PLEKHH2: variants seen among roughly 807,000 people sequenced by gnomAD.
The protein encoded by PLEKHH2 is pleckstrin homology domain-containing family H member 2.
A neutral mutation model predicts 187.9 loss-of-function variants in PLEKHH2; 129 were observed. That is an observed-to-expected ratio of 0.69 (90% CI 0.59 to 0.79). PLEKHH2 has a LOEUF of 0.79. Among genes scored for constraint, PLEKHH2 ranks in the 30% least tolerant of loss-of-function variants. PLEKHH2 has a pLI of 0.00. For missense variants in PLEKHH2, 2,076 were observed against 1,751.2 expected, an observed-to-expected ratio of 1.19 and a Z score of -3.31; for synonymous variants, 686 against 605.6, an observed-to-expected ratio of 1.13 and a Z score of -1.95.
At chr2:43,758,174 T>G (rs972266123) in intron 26 of PLEKHH2, among the ~76,000 whole-genome samples, 2 of 152,232 alleles carry the variant, frequency 1.3e-5, no homozygotes, top group Non-Finnish European at 2.9e-5. Flanking sequence ...AGTTTCACCT[T>G]GCATCTAACA....
At chr2:43,681,912 T>A (rs719424) in intron 3 of PLEKHH2, among the ~76,000 whole-genome samples, 70,802 of 152,076 alleles carry the variant, frequency 0.47, 16,991 homozygotes, top group Non-Finnish European at 0.5. Flanking sequence ...TTGATTTTTT[T>A]AATTATGCTT....
chr2:43,684,320 T>C (rs1668387227), intron 3 of PLEKHH2, among the ~76,000 whole-genome samples: 2 of 152,174 alleles, frequency 1.3e-5, no homozygotes, highest in Middle Eastern at 3.4e-3. Flanking sequence ...TATGTCTCTA[T>C]ATGTAATCTA....
intron 2 of PLEKHH2, chr2:43,675,767 C>T: frequency 6.2e-7 from 1 of 1,613,672 alleles, no homozygotes; most frequent in Non-Finnish European, 8.5e-7. Flanking sequence ...CTGCTTAAGA[C>T]AATCCCTCCT....
intron 2 of PLEKHH2, among the ~76,000 whole-genome samples, chr2:43,677,353 C>T (rs975968308): frequency 1.3e-5 from 2 of 152,154 alleles, no homozygotes; most frequent in Admixed American, 6.5e-5. Flanking sequence ...CGGCCCTCTG[C>T]AGTGTTTGTG....
chr2:43,735,688 C>T (rs1162616124), intron 19 of PLEKHH2, among the ~76,000 whole-genome samples: 1 of 151,980 alleles, frequency 6.6e-6, no homozygotes, highest in Non-Finnish European at 1.5e-5. Flanking sequence ...TTCATATGCT[C>T]CAATAATATA....
intron 1 of PLEKHH2, among the ~76,000 whole-genome samples, chr2:43,641,591 G>C (rs1319478806): frequency 1.3e-5 from 2 of 152,072 alleles, no homozygotes; most frequent in East Asian, 3.9e-4. Context: ...GCCCAAGGAA[G>C]TCAAAAGATT....
intron 3 of PLEKHH2, among the ~76,000 whole-genome samples, chr2:43,689,038 C>T (rs942453516): frequency 3.3e-5 from 5 of 152,110 alleles, no homozygotes; most frequent in Admixed American, 3.3e-4. Flanking sequence ...TAAGTCAGAC[C>T]ATTAGCATAA....
rs1669259771 is a variant in PLEKHH2 at position 43,699,728 on chromosome 2, G to T, written c.770G>T (p.Cys257Phe). The stretch of plus-strand genomic sequence containing the variant: ...CAGAGAACATTGCATCAAACCCCTT[G>T]TGGCTCAGAACAGAATCGGAAAACA... ...RGQRTLHQTPCGSEQNRKTRT... is the reference protein window; with the variant it reads ...RGQRTLHQTPFGSEQNRKTRT... The change falls in exon 8 of 30, where the codon TGT becomes TTT. Residue 257 changes from cysteine (C) to phenylalanine (F), a missense_variant. Coordinates refer to ENST00000282406, the MANE Select transcript of PLEKHH2 (RefSeq NM_172069.4). 6.2e-7 allele frequency: 1 copy of T among 1,614,074 alleles called. No homozygotes were observed. Among genetic ancestry groups the T allele is most frequent in the Admixed American group, 1.7e-5 (1 of 60,000 alleles).
intron 15 of PLEKHH2, among the ~76,000 whole-genome samples, chr2:43,719,483 A>G (rs374814173): frequency 2.1e-4 from 32 of 152,322 alleles, no homozygotes; most frequent in African/African-American, 7.7e-4. Flanking sequence ...TCTGTCGCCC[A>G]GGCTGGAGTA....
chr2:43,739,874 A>T (rs538784957), intron 20 of PLEKHH2, among the ~76,000 whole-genome samples: 1 of 152,202 alleles, frequency 6.6e-6, no homozygotes, highest in African/African-American at 2.4e-5. Context: ...CCTAAGCAAC[A>T]TATTCCCTGT....
intron 24 of PLEKHH2, among the ~76,000 whole-genome samples, chr2:43,747,758 AC>A (rs1262142079): frequency 1.3e-5 from 2 of 152,216 alleles, no homozygotes. Context: ...AAAATGTCAG[AC>A]CCAGAGCCTG....
intron 3 of PLEKHH2, chr2:43,681,122 C>A: frequency 1.1e-6 from 1 of 919,074 alleles, no homozygotes; most frequent in Non-Finnish European, 1.7e-6. Flanking sequence ...GGTTGTGAAA[C>A]CAAGTCAAGG....
chr2:43,714,630 C>T (rs1184431796), intron 15 of PLEKHH2, among the ~76,000 whole-genome samples: 1 of 152,150 alleles, frequency 6.6e-6, no homozygotes, highest in Non-Finnish European at 1.5e-5. Context: ...TGATTCTAGA[C>T]AGTCACTCTT....
At chr2:43,638,909 T>A (rs1237056807) in intron 1 of PLEKHH2, among the ~76,000 whole-genome samples, 1 of 152,242 alleles carries the variant, frequency 6.6e-6, no homozygotes, top group Non-Finnish European at 1.5e-5. Flanking sequence ...TGATTTATTA[T>A]GACCCATTAA....
chr2:43,740,194 A>T (rs1219572942), intron 20 of PLEKHH2, among the ~76,000 whole-genome samples: 2 of 152,198 alleles, frequency 1.3e-5, no homozygotes, highest in East Asian at 3.8e-4. Flanking sequence ...GGCAAATGAG[A>T]TCTCTATCCT....
intron 2 of PLEKHH2, among the ~76,000 whole-genome samples, chr2:43,677,806 G>A (rs1246842116): frequency 6.7e-5 from 10 of 148,426 alleles, no homozygotes; most frequent in East Asian, 4.2e-4. Flanking sequence ...CTCCCGCACC[G>A]GGCAGCTGGC....
At chr2:43,738,229 CT>C (rs1572643530) in intron 19 of PLEKHH2, 111 bp from the exon 20 acceptor site, 1 of 882,706 alleles carries the variant, frequency 1.1e-6, no homozygotes. Flanking sequence ...ATAATATATC[CT>C]TTTCCATCAT....
intron 20 of PLEKHH2, 54 bp downstream of exon 20, chr2:43,738,574 A>G: frequency 6.8e-7 from 1 of 1,461,344 alleles, no homozygotes; most frequent in Non-Finnish European, 9.3e-7. Flanking sequence ...TTTTTTTCTG[A>G]TTGTAAGAAT....
intron 2 of PLEKHH2, among the ~76,000 whole-genome samples, chr2:43,671,818 A>G (rs764067298): frequency 6.6e-6 from 1 of 152,200 alleles, no homozygotes; most frequent in Non-Finnish European, 1.5e-5. Context: ...GCCATGACAT[A>G]ATATCTTTGT....
Sources: gnomAD v4.1 joint callset for allele counts (sites outside exome capture counted in the v4.1 genomes callset) on GRCh38, gnomAD v4.1.1 for gene constraint, MANE v1.5 for transcripts, NCBI Gene and HGNC (gene_info 2026-07-23, HGNC 2026-07-21) for gene names.